FOCAD: variants seen among roughly 807,000 people sequenced by gnomAD.
FOCAD encodes the protein KIAA1797.
A neutral mutation model predicts 225.6 loss-of-function variants in FOCAD; 198 were observed. The observed-to-expected ratio is 0.88, with a 90% CI of 0.78 to 0.99. FOCAD has a LOEUF of 0.99. Among genes scored for constraint, FOCAD ranks in the 50% least tolerant of loss-of-function variants. The probability of loss-of-function intolerance (pLI) is 0.00; values close to 1 mark genes in which losing one functional copy is unlikely to be tolerated. For synonymous variants in FOCAD, 897 were observed against 755.0 expected (o/e 1.19, Z -3.08); for missense variants, 2,713 against 2,123.6 (o/e 1.28, Z -5.46).
chr9:20,966,913 G>C (rs561477999), intron 35 of FOCAD, among the ~76,000 whole-genome samples: 1 of 151,918 alleles, frequency 6.6e-6, no homozygotes, highest in Non-Finnish European at 1.5e-5. Context: ...CTAATACCAC[G>C]CTGTTTTGAT....
intron 19 of FOCAD, among the ~76,000 whole-genome samples, chr9:20,877,173 A>T (rs1014924031): frequency 1.3e-5 from 2 of 151,960 alleles, no homozygotes; most frequent in African/African-American, 4.8e-5. Context: ...CCCCCAGTAT[A>T]TAAACTTAAG....
chr9:20,768,892 A>G lies in FOCAD; in HGVS notation c.700-1140A>G, dbSNP rs181292326. Among the ~76,000 whole-genome samples the G allele has an allele frequency of 1.1e-4, 16 of 152,260 alleles. No homozygotes were observed. The East Asian group carries it at 2.9e-3, about 28-fold the overall frequency. On this transcript the variant is annotated intron_variant, in intron 7 of 43. Transcript: ENST00000338382. ...AAAGACAGAATGTTACTTCAAAATT[A>G]TGCTTGTTTAGAACTTTGATAATGT...
At chr9:20,767,292 C>T (rs1830130303) in intron 7 of FOCAD, among the ~76,000 whole-genome samples, 1 of 149,816 alleles carries the variant, frequency 6.7e-6, no homozygotes, top group Non-Finnish European at 1.5e-5. Context: ...CATACGTGTG[C>T]ATGTGTCTTT....
At chr9:20,688,410 G>A (rs892402948) in intron 1 of FOCAD, among the ~76,000 whole-genome samples, 2 of 152,174 alleles carry the variant, frequency 1.3e-5, no homozygotes, top group Non-Finnish European at 2.9e-5. Context: ...TGCCGAGATA[G>A]GAATCACATG....
chr9:20,978,237 C>T, intron 36 of FOCAD, 102 bp from the exon 37 acceptor site: 1 of 671,406 alleles, frequency 1.5e-6, no homozygotes, highest in South Asian at 2.5e-5. Flanking sequence ...CTGTTACCTG[C>T]AAAAGTCACA....
rs867194526 is a variant in FOCAD, at chr9:20,767,831, T to G, written c.700-2201T>G. Among the ~76,000 whole-genome samples the G allele has an allele frequency of 3.9e-3, 582 of 151,114 alleles. 2 individuals carry two copies. The highest frequency in any genetic ancestry group is 0.013 in the African/African-American group (549 of 41,288). On this transcript the variant is annotated intron_variant, in intron 7 of 43. Coordinates refer to ENST00000338382, the MANE Select transcript of FOCAD (RefSeq NM_001375567.1). Reference sequence around the variant, plus strand: ...CTGTGCAGAAGCTCTTTAGTTTAATTAGATCCCATTTGTCAATTTTGTCTT... The same window carrying G: ...CTGTGCAGAAGCTCTTTAGTTTAATGAGATCCCATTTGTCAATTTTGTCTT...
intron 41 of FOCAD, among the ~76,000 whole-genome samples, chr9:20,988,899 A>T (rs1841417840): frequency 1.3e-5 from 2 of 152,182 alleles, no homozygotes; most frequent in African/African-American, 2.4e-5. Flanking sequence ...TATGCAGATA[A>T]TCTTATGTGT....
intron 15 of FOCAD, among the ~76,000 whole-genome samples, chr9:20,859,798 G>T (rs1440365000): frequency 6.6e-6 from 1 of 150,550 alleles, no homozygotes; most frequent in East Asian, 1.9e-4. Context: ...ACTGATAGAA[G>T]CTAGACACCA....
rs1335377874 is a variant in FOCAD at position 20,780,765 on chromosome 9, A to G, written c.995-962A>G. ...CTATTAAAATACTGCTATTATATTC[A>G]TTTCCTGTTATATTAAAGATAATGG... On this transcript the variant is annotated intron_variant, in intron 9 of 43. Coordinates refer to ENST00000338382, the MANE Select transcript of FOCAD (RefSeq NM_001375567.1). Among the ~76,000 whole-genome samples the G allele has an allele frequency of 3.3e-5, 5 of 152,206 alleles. No homozygotes were observed. The East Asian group carries it at 9.6e-4, about 29-fold the overall frequency.
intron 23 of FOCAD, among the ~76,000 whole-genome samples, 179 bp from the exon 24 acceptor site, chr9:20,916,714 T>C (rs1204470027): frequency 6.6e-6 from 1 of 152,202 alleles, no homozygotes; most frequent in Admixed American, 6.5e-5. Context: ...AACAGGAAGA[T>C]GAAGCTATCT....
At chr9:20,798,567 TA>T (rs1306484650) in intron 11 of FOCAD, among the ~76,000 whole-genome samples, 1 of 152,198 alleles carries the variant, frequency 6.6e-6, no homozygotes, top group Admixed American at 6.5e-5. Context: ...CTTCCTGGTT[TA>T]GTCTTGGGAG....
At position 20,719,740 on chromosome 9, in the gene FOCAD, A is replaced by G. The variant is rs187152759; in HGVS notation, c.133-640A>G. Among the ~76,000 whole-genome samples, 293 of 148,334 alleles carry G rather than the reference A, an allele frequency of 2.0e-3. 1 individual carries two copies. The highest frequency in any genetic ancestry group is 6.9e-3 in the African/African-American group (278 of 40,288). On this transcript the variant is annotated intron_variant, in intron 3 of 43. Coordinates refer to ENST00000338382, the MANE Select transcript of FOCAD (RefSeq NM_001375567.1). ...CAGAGTCACAGTGTGAGAGGGGGAA[A>G]GTCACAGTTTCTTTCTTGGGCAAAC...
chr9:20,961,609 T>C (rs772545618), intron 35 of FOCAD, among the ~76,000 whole-genome samples: 1 of 152,210 alleles, frequency 6.6e-6, no homozygotes. Context: ...TATTTTTATT[T>C]CTGTATTTAG....
chr9:20,682,550 G>A (rs779206442), upstream of FOCAD, among the ~76,000 whole-genome samples: 33 of 152,160 alleles, frequency 2.2e-4, no homozygotes, highest in Admixed American at 6.5e-4. Context: ...GAACAGCGCT[G>A]TTTACAGAGT....
chr9:20,823,048 C>G lies in FOCAD; in HGVS notation c.1853C>G (p.Thr618Ser). 6.2e-7 allele frequency: 1 copy of G among 1,609,902 alleles called. No individual in the cohort carries two copies. The highest frequency in any genetic ancestry group is 8.5e-7 in the Non-Finnish European group (1 of 1,178,190). Residue 618 changes from threonine to serine, a missense_variant, in exon 15 of 44, where the codon ACC becomes AGC. Physicochemically the swap from Thr to Ser is moderately conservative, Grantham distance 58 (BLOSUM62 1). Transcript: ENST00000338382. ...AAISQVLNEC[T>S]KPDQATPAAL... Reference sequence around the variant, plus strand: ...ATTTCTCAAGTGTTGAATGAATGCACCAAGCCTGATCAAGCTACTCCAGCA... The same window carrying G: ...ATTTCTCAAGTGTTGAATGAATGCAGCAAGCCTGATCAAGCTACTCCAGCA...
intron 15 of FOCAD, among the ~76,000 whole-genome samples, chr9:20,859,213 A>G (rs1828522929): frequency 6.6e-6 from 1 of 152,064 alleles, no homozygotes; most frequent in African/African-American, 2.4e-5. Context: ...CGTCTCTACT[A>G]AATCCAAATT....
intron 15 of FOCAD, among the ~76,000 whole-genome samples, chr9:20,832,250 A>C (rs1199253273): frequency 6.6e-6 from 1 of 152,008 alleles, no homozygotes; most frequent in African/African-American, 2.4e-5. Flanking sequence ...AACTGTTTTG[A>C]GGAATGCCAT....
In FOCAD at chr9:20,778,727, T is replaced by C. The variant is rs562185967; in HGVS notation, c.953T>C (p.Leu318Pro). 4.3e-6 allele frequency: 7 copies of C among 1,612,606 alleles called. No homozygotes were observed. The highest frequency in any genetic ancestry group is 1.1e-5 in the South Asian group (1 of 91,008). ...ATAATTGGAATAGCTTTACTACTTC[T>C]ACAGACTCCAGCAAGTCAGCAGAAG... ...LVIIGIALLL[L>P]QTPASQQKPI... The change falls in exon 9 of 44, where the codon CTA (leucine) becomes CCA (proline). Residue 318 changes from leucine to proline, a missense_variant. Physicochemically the swap from Leu to Pro is moderately conservative, Grantham distance 98. Transcript: ENST00000338382.
At chr9:20,671,150 A>T (rs539070865) in intron 2 of FOCAD, among the ~76,000 whole-genome samples, 1 of 152,150 alleles carries the variant, frequency 6.6e-6, no homozygotes, top group Non-Finnish European at 1.5e-5. Context: ...TGTGTCATGG[A>T]TACATACAAC....
Sources: allele counts gnomAD v4.1 joint callset (sites outside exome capture counted in the v4.1 genomes callset), GRCh38; gene constraint gnomAD v4.1.1; transcripts MANE v1.5; gene names NCBI Gene and HGNC (gene_info 2026-07-23, HGNC 2026-07-21).